Variants in CASKIN1 observed in about 807,000 individuals in gnomAD.
The protein encoded by CASKIN1 is caskin-1.
Under a neutral mutation model 117.5 loss-of-function variants are expected in CASKIN1, and 42 were observed. The observed-to-expected ratio is 0.36, with a 90% CI of 0.28 to 0.46. The LOEUF is 0.46. Among genes scored for constraint, CASKIN1 ranks in the 20% least tolerant of loss-of-function variants. The pLI, the probability that CASKIN1 is intolerant of heterozygous loss-of-function variation, is 1.00. For missense variants in CASKIN1, 2,083 were observed against 2,077.3 expected, an observed-to-expected ratio of 1.00 and a Z score of -0.05; for synonymous variants, 1,148 against 961.7, an observed-to-expected ratio of 1.19 and a Z score of -3.59.
Position 2,178,349 on chromosome 16 carries a change from C to T in CASKIN1, c.*201G>A, listed in dbSNP as rs967206306. 3.5e-5 allele frequency: 16 copies of T among 457,822 alleles called. No individual in the cohort carries two copies. The highest frequency in any genetic ancestry group is 5.4e-5 in the Non-Finnish European group (14 of 258,362). 28.4% of individuals were successfully genotyped at this position (457,822 alleles called of 1,614,324 possible). A position where few individuals can be genotyped will look rare whatever the true frequency, so the allele number is the denominator to read the frequency against. On this transcript the variant is annotated 3_prime_UTR_variant, in exon 20 of 20. Coordinates refer to ENST00000343516, the MANE Select transcript of CASKIN1 (RefSeq NM_020764.4). Reference sequence around the variant, plus strand: ...GCAGCAGGTGGGGAGGACCCGCGGGCGCAGGGTCTGCCTAGAGCCCTTGGA... The same window carrying T: ...GCAGCAGGTGGGGAGGACCCGCGGGTGCAGGGTCTGCCTAGAGCCCTTGGA...
chr16:2,190,344 TG>T lies in CASKIN1; in HGVS notation c.108del (p.Thr37ProfsTer22). ...PRPGKAKLLG[S>X]TKKINVNFQD... ...TGGAAGTTGACATTGATCTTCTTGG[TG>T]GAACCCAGGAGCTCTGGGGATGGAA... is the stretch of plus-strand genomic sequence containing the variant. On this transcript the variant is annotated frameshift_variant, in exon 2 of 20. Coordinates refer to ENST00000343516, the MANE Select transcript of CASKIN1 (RefSeq NM_020764.4). LOFTEE classifies it high-confidence loss of function. 6.4e-7 allele frequency: 1 copy of T among 1,574,162 alleles called. No individual in the cohort carries two copies. Among genetic ancestry groups the T allele is most frequent in the Non-Finnish European group, 8.6e-7 (1 of 1,159,156 alleles).
Position 2,183,761 on chromosome 16 carries a change from A to G in CASKIN1, c.1528-14T>C, listed in dbSNP as rs763310574. 7.4e-6 allele frequency: 12 copies of G among 1,612,808 alleles called. 2 individuals carry two copies. In the East Asian group the frequency reaches 2.5e-4, roughly 33 times the overall value. ...GGCCGTGAGGTCCTAGGCAGTGGGG[A>G]GGCTTGTCAGCTAGGGGCTGGGCCC... On this transcript the variant is annotated splice_polypyrimidine_tract_variant and intron_variant, in intron 15 of 19. Transcript: ENST00000343516.
chr16:2,192,417 C>T (rs1596694889), intron 1 of CASKIN1, among the ~76,000 whole-genome samples: 1 of 152,038 alleles, frequency 6.6e-6, no homozygotes, highest in East Asian at 1.9e-4. Flanking sequence ...AGTGGCTGTG[C>T]TAGGAGGGGA....
chr16:2,183,511 A>G, intron 16 of CASKIN1, 135 bp downstream of exon 16: 1 of 807,200 alleles, frequency 1.2e-6, no homozygotes, highest in Non-Finnish European at 1.9e-6. Flanking sequence ...GCTCCCTGCT[A>G]GCAGGGCATC....
rs2093147998 is a variant in CASKIN1, at chr16:2,177,999, G to A, written c.*551C>T. 1 of 398,380 alleles carries A rather than the reference G, an allele frequency of 2.5e-6. No homozygotes were observed. The highest frequency in any genetic ancestry group is 5.4e-5 in the East Asian group (1 of 18,488). 24.7% of individuals were successfully genotyped at this position (398,380 alleles called of 1,614,324 possible). On this transcript the variant is annotated 3_prime_UTR_variant, in exon 20 of 20. Coordinates refer to ENST00000343516, the MANE Select transcript of CASKIN1 (RefSeq NM_020764.4). ...GCTAGACTTCGTGTCCTTTCAGTTG[G>A]TAAATGGTTTTCTATAGAATCAATA...
chr16:2,181,294 G>GC lies in CASKIN1; in HGVS notation c.2073dup (p.Gln692AlafsTer40). On this transcript the variant is annotated frameshift_variant, in exon 18 of 20. Coordinates refer to ENST00000343516, the MANE Select transcript of CASKIN1 (RefSeq NM_020764.4). LOFTEE classifies it high-confidence loss of function. ...GCCCGACCACCCAGGCTGGAGTCCT[G>GC]CCGCGTGGTGGCCCTCGGGGTGGGT... is the stretch of plus-strand genomic sequence containing the variant. The GC allele has an allele frequency of 6.2e-7, 1 of 1,603,060 alleles. No individual in the cohort carries two copies. The highest frequency in any genetic ancestry group is 8.5e-7 in the Non-Finnish European group (1 of 1,178,838).
intron 1 of CASKIN1, 84 bp from the exon 2 acceptor site, chr16:2,190,442 C>G: frequency 7.9e-7 from 1 of 1,266,262 alleles, no homozygotes; most frequent in Non-Finnish European, 1.1e-6. Context: ...GGCCAGCCAT[C>G]TCCCCGGCAG....
chr16:2,188,910 C>T, intron 6 of CASKIN1, 117 bp downstream of exon 6: 1 of 1,436,758 alleles, frequency 7.0e-7, no homozygotes, highest in Non-Finnish European at 9.3e-7. Flanking sequence ...GACCAGGGAC[C>T]TGGGACCCTG....
intron 3 of CASKIN1, 96 bp from the exon 4 acceptor site, chr16:2,189,660 C>A: frequency 1.6e-6 from 2 of 1,270,170 alleles, no homozygotes; most frequent in South Asian, 1.5e-5. Context: ...ACCCCAAGTC[C>A]AACCCTGGGG....
rs773159050 is a variant in CASKIN1 at position 2,189,080 on chromosome 16, G to A, written c.564C>T (p.Asn188=). 4.5e-5 allele frequency: 73 copies of A among 1,613,520 alleles called. No homozygotes were observed. Among genetic ancestry groups the A allele is most frequent in the African/African-American group, 9.3e-5 (7 of 74,902 alleles). ...CTGCGAGGTGCAAAGGGCTGGTGCCGTTGGGGTCGGTGGCGTCTCCCGGCC... is the reference window on the plus strand; with the variant it reads ...CTGCGAGGTGCAAAGGGCTGGTGCCATTGGGGTCGGTGGCGTCTCCCGGCC... The part of the protein sequence containing the change: ...EPRPGDATDP[N]GTSPLHLAAK... The change falls in exon 6 of 20, where the codon AAC becomes AAT. Residue 188 remains asparagine, a synonymous_variant. Coordinates refer to ENST00000343516, the MANE Select transcript of CASKIN1 (RefSeq NM_020764.4).
chr16:2,185,540 T>G, intron 10 of CASKIN1, 132 bp from the exon 11 acceptor site: 1 of 746,002 alleles, frequency 1.3e-6, no homozygotes, highest in Non-Finnish European at 2.1e-6. Context: ...AGGGAGCTGA[T>G]AGCCCCTCGG....
In CASKIN1 at chr16:2,177,744, C is replaced by A; in HGVS notation, c.*806G>T. 4.1e-6 allele frequency: 1 copy of A among 244,040 alleles called. No homozygotes were observed. Among genetic ancestry groups the A allele is most frequent in the Non-Finnish European group, 8.1e-6 (1 of 123,972 alleles). The allele number at this position is 244,040 out of a possible 1,614,324, so 15.1% of individuals were successfully genotyped here. On this transcript the variant is annotated 3_prime_UTR_variant, in exon 20 of 20. Transcript: ENST00000343516. ...CACCCACATTCACCAAACCCACCCG[C>A]GCCCTGGGACGCAGCCACGCCAGGA...
In CASKIN1 at chr16:2,189,376, G is replaced by T. The variant is rs369722523; in HGVS notation, c.390+43C>A. 25 of 1,610,392 alleles carry T rather than the reference G, an allele frequency of 1.6e-5. No homozygotes were observed. The East Asian group carries it at 3.8e-4, about 24-fold the overall frequency. On this transcript the variant is annotated intron_variant, in intron 4 of 19. Coordinates refer to ENST00000343516, the MANE Select transcript of CASKIN1 (RefSeq NM_020764.4). ...AGTCAGGTCCGCACATCCTCAGGCCGCGCTGCCCCGCCCCCGCTGCCCCGC... is the reference window on the plus strand; with the variant it reads ...AGTCAGGTCCGCACATCCTCAGGCCTCGCTGCCCCGCCCCCGCTGCCCCGC...
rs377487965 is a variant in CASKIN1 at position 2,190,218 on chromosome 16, C to A, written c.147-48G>T. On this transcript the variant is annotated intron_variant, in intron 2 of 19. Transcript: ENST00000343516. Reference sequence around the variant, plus strand: ...AGAGCAGAGGCCCTGGCGCCCCGGCCTTCCCGGCACCCTGCCCTCCCCCGG... The same window carrying A: ...AGAGCAGAGGCCCTGGCGCCCCGGCATTCCCGGCACCCTGCCCTCCCCCGG... 941 of 1,603,072 alleles carry A rather than the reference C, an allele frequency of 5.9e-4. 1 individual carries two copies. The highest frequency in any genetic ancestry group is 7.3e-4 in the Non-Finnish European group (862 of 1,174,906).
intron 1 of CASKIN1, among the ~76,000 whole-genome samples, chr16:2,195,924 C>T (rs2093214378): frequency 6.6e-6 from 1 of 152,076 alleles, no homozygotes. Flanking sequence ...TCCCGGGTCG[C>T]CCCTCGCCGC....
At position 2,178,011 on chromosome 16, in the gene CASKIN1, C is replaced by T; in HGVS notation, c.*539G>A. ...GTCCTTTCAGTTGGTAAATGGTTTT[C>T]TATAGAATCAATAATATTTCTTTCT... On this transcript the variant is annotated 3_prime_UTR_variant, in exon 20 of 20. Transcript: ENST00000343516. 2.2e-5 allele frequency: 9 copies of T among 417,792 alleles called. No homozygotes were observed. The highest frequency in any genetic ancestry group is 1.9e-4 in the South Asian group (9 of 46,724). The allele number at this position is 417,792 out of a possible 1,614,324, so 25.9% of individuals were successfully genotyped here. A position where few individuals can be genotyped will look rare whatever the true frequency, so the allele number is the denominator to read the frequency against.
chr16:2,187,139 C>T, intron 8 of CASKIN1, 27 bp downstream of exon 8: 1 of 1,613,270 alleles, frequency 6.2e-7, no homozygotes, highest in Non-Finnish European at 8.5e-7. Context: ...GCCCCAGCCA[C>T]TGCCCCTCTG....
At chr16:2,186,413 C>A (rs572844092) in intron 10 of CASKIN1, among the ~76,000 whole-genome samples, 1 of 152,338 alleles carries the variant, frequency 6.6e-6, no homozygotes, top group African/African-American at 2.4e-5. Context: ...TTCGCTGTCC[C>A]CTGCCCTCTC....
Position 2,179,576 on chromosome 16 carries a change from C to G in CASKIN1, c.3775+17G>C. On this transcript the variant is annotated intron_variant, in intron 18 of 19. Transcript: ENST00000343516. The surrounding 1 kb of genome is among the most constrained non-coding windows in gnomAD (Gnocchi z 5.8). ...GCAGGGTCCTGTTGCCCCTTCACCC[C>G]ACCCTGGCTGGCCTACCTGGGCTGC... 4.9e-6 allele frequency: 7 copies of G among 1,433,576 alleles called. No individual in the cohort carries two copies. The highest frequency in any genetic ancestry group is 1.5e-5 in the South Asian group (1 of 67,436). 88.8% of individuals were successfully genotyped at this position (1,433,576 alleles called of 1,614,324 possible). A position where few individuals can be genotyped will look rare whatever the true frequency, so the allele number is the denominator to read the frequency against.
Sources: gnomAD v4.1 joint callset for allele counts (sites outside exome capture counted in the v4.1 genomes callset) on GRCh38, gnomAD v4.1.1 for gene constraint, Gnocchi (gnomAD v3.1) non-coding constraint, MANE v1.5 for transcripts, NCBI Gene and HGNC (gene_info 2026-07-23, HGNC 2026-07-21) for gene names.